MYLK: variants seen among roughly 807,000 people sequenced by gnomAD.
MYLK encodes the protein myosin light chain kinase, smooth muscle.
A neutral mutation model predicts 203.4 loss-of-function variants in MYLK; 106 were observed. That is an observed-to-expected ratio of 0.52 (90% CI 0.45 to 0.61). The LOEUF (loss-of-function observed/expected upper bound fraction) is 0.61. Ranked by LOEUF, MYLK falls within the 20% of genes least tolerant of loss-of-function variation. The pLI is 0.00. For synonymous variants in MYLK, 867 were observed against 959.5 expected (o/e 0.90, Z 1.78); for missense variants, 2,072 against 2,442.3 (o/e 0.85, Z 3.20).
intron 4 of MYLK, among the ~76,000 whole-genome samples, chr3:123,761,563 A>G (rs965933318): frequency 1.1e-4 from 17 of 152,166 alleles, no homozygotes; most frequent in African/African-American, 4.1e-4. Context: ...CAGCAGCCTC[A>G]TGAAAATGTC....
chr3:123,833,431 C>T (rs1464864100), intron 2 of MYLK, among the ~76,000 whole-genome samples: 3 of 152,128 alleles, frequency 2.0e-5, no homozygotes, highest in Admixed American at 6.5e-5. Flanking sequence ...AGTGAGCACA[C>T]CTGGCCCTTC....
chr3:123,640,164 T>A lies in MYLK; in HGVS notation c.4837+123A>T. 1 of 897,888 alleles carries A rather than the reference T, an allele frequency of 1.1e-6. No homozygotes were observed. 55.6% of individuals were successfully genotyped at this position (897,888 alleles called of 1,614,324 possible). ...ATGTGGTAGGGGCAGGATTCAAACC[T>A]GGGAAGTCTTCATGGTCTCGGATTT... On this transcript the variant is annotated intron_variant, in intron 28 of 33. Coordinates refer to ENST00000360304, the MANE Select transcript of MYLK (RefSeq NM_053025.4). This position sits in a 1 kb window ranked among gnomAD's most constrained non-coding sequence, Gnocchi z 4.3.
chr3:123,650,373 G>C (rs1398793685), intron 24 of MYLK, among the ~76,000 whole-genome samples: 2 of 152,120 alleles, frequency 1.3e-5, no homozygotes, highest in African/African-American at 4.8e-5. Flanking sequence ...AGACAGGAGA[G>C]AAAGCATAGA....
rs1560135856 is a variant in MYLK at position 123,725,943 on chromosome 3, C to G, written c.1651+1G>C. 3.1e-6 allele frequency: 5 copies of G among 1,613,690 alleles called. No individual in the cohort carries two copies. In the East Asian group the frequency reaches 8.9e-5, roughly 29 times the overall value. ...AGAGAGCTGGGGCAGGGGGAACTCA[C>G]CATTCAGCAGCCAAGTGATCCGGGG... On this transcript the variant is annotated splice_donor_variant, in intron 12 of 33. Coordinates refer to ENST00000360304, the MANE Select transcript of MYLK (RefSeq NM_053025.4). LOFTEE classifies it high-confidence loss of function.
intron 14 of MYLK, 143 bp from the exon 15 acceptor site, chr3:123,709,038 T>G (rs1483475518): frequency 1.5e-6 from 1 of 683,226 alleles, no homozygotes; most frequent in East Asian, 2.8e-5. Flanking sequence ...AAATAGGAAT[T>G]CAAACAGGAT....
At chr3:123,879,946 G>A (rs2033421864) in intron 1 of MYLK, among the ~76,000 whole-genome samples, 1 of 152,206 alleles carries the variant, frequency 6.6e-6, no homozygotes, top group Admixed American at 6.5e-5. Context: ...GAGCCACCGT[G>A]CCTGGCCCAC....
intron 18 of MYLK, among the ~76,000 whole-genome samples, chr3:123,699,585 C>G (rs1484784153): frequency 1.3e-5 from 2 of 152,258 alleles, no homozygotes; most frequent in Non-Finnish European, 1.5e-5. Context: ...CTCTAAACAG[C>G]TCTTTACTCA....
intron 28 of MYLK, chr3:123,638,630 A>G (rs1047329206): frequency 8.5e-6 from 4 of 470,338 alleles, no homozygotes; most frequent in Admixed American, 6.4e-5. Flanking sequence ...TACTGAGAAC[A>G]TGAGTGAGGC....
intron 7 of MYLK, among the ~76,000 whole-genome samples, chr3:123,738,118 A>G (rs914280195): frequency 2.0e-5 from 3 of 148,442 alleles, no homozygotes; most frequent in African/African-American, 7.5e-5. Context: ...GAGGCTCCTG[A>G]CAATATTTTG....
chr3:123,837,895 A>G (rs1021883200), intron 2 of MYLK, among the ~76,000 whole-genome samples: 1 of 152,054 alleles, frequency 6.6e-6, no homozygotes, highest in African/African-American at 2.4e-5. Flanking sequence ...GAGTAGGGGG[A>G]AAAAAAGAAA....
intron 4 of MYLK, among the ~76,000 whole-genome samples, chr3:123,778,379 G>A (rs920269145): frequency 6.6e-6 from 1 of 152,024 alleles, no homozygotes; most frequent in Non-Finnish European, 1.5e-5. Flanking sequence ...CGAGCGTGGT[G>A]GCAGGCGCCT....
intron 4 of MYLK, among the ~76,000 whole-genome samples, chr3:123,770,836 T>C (rs2063858561): frequency 6.6e-6 from 1 of 152,184 alleles, no homozygotes; most frequent in African/African-American, 2.4e-5. Context: ...TCCATAATTC[T>C]CCAGAGGCAG....
chr3:123,630,132 G>A (rs1374692818), intron 29 of MYLK, among the ~76,000 whole-genome samples: 1 of 152,178 alleles, frequency 6.6e-6, no homozygotes, highest in East Asian at 1.9e-4. Context: ...AGTGAAGTGT[G>A]TGCCCAATGG....
In MYLK at chr3:123,629,843, T is replaced by A; in HGVS notation, c.4962-217A>T. The A allele has an allele frequency of 1.7e-6, 1 of 577,504 alleles. No individual in the cohort carries two copies. Among genetic ancestry groups the A allele is most frequent in the South Asian group, 2.0e-5 (1 of 50,088 alleles). 35.8% of individuals were successfully genotyped at this position (577,504 alleles called of 1,614,324 possible). A position where few individuals can be genotyped will look rare whatever the true frequency, so the allele number is the denominator to read the frequency against. On this transcript the variant is annotated intron_variant, in intron 29 of 33. Transcript: ENST00000360304. The surrounding 1 kb of genome is among the most constrained non-coding windows in gnomAD (Gnocchi z 4.4). ...TGGTCACCTGCCTCTTGACACCACC[T>A]ACCTGTGAGGCTGAGGTGCAGCAGG...
intron 2 of MYLK, among the ~76,000 whole-genome samples, chr3:123,842,113 T>C (rs1048762064): frequency 2.6e-5 from 4 of 152,086 alleles, no homozygotes; most frequent in African/African-American, 4.8e-5. Flanking sequence ...TCTATCTATA[T>C]CTGTAGCTAT....
At chr3:123,762,160 A>G (rs555371366) in intron 4 of MYLK, among the ~76,000 whole-genome samples, 2 of 152,274 alleles carry the variant, frequency 1.3e-5, no homozygotes, top group East Asian at 3.9e-4. Context: ...ATCACCTTCA[A>G]TGCTTTTAGT....
intron 1 of MYLK, among the ~76,000 whole-genome samples, chr3:123,882,618 A>G (rs576826953): frequency 8.8e-4 from 134 of 152,224 alleles, no homozygotes; most frequent in African/African-American, 3.1e-3. Flanking sequence ...TCAGTGAACA[A>G]TGAGACAGAC....
chr3:123,875,107 C>T (rs535665963), intron 2 of MYLK, among the ~76,000 whole-genome samples: 1 of 152,226 alleles, frequency 6.6e-6, no homozygotes, highest in East Asian at 1.9e-4. Flanking sequence ...CCAGAAACCC[C>T]AATCCTAGAT....
At chr3:123,674,297 A>T (rs1296003414) in intron 20 of MYLK, among the ~76,000 whole-genome samples, 2 of 152,080 alleles carry the variant, frequency 1.3e-5, no homozygotes, top group East Asian at 1.9e-4. Context: ...TCAGCATTGT[A>T]GTCCCAACTG....
Sources: gnomAD v4.1 joint callset for allele counts (sites outside exome capture counted in the v4.1 genomes callset) on GRCh38, gnomAD v4.1.1 for gene constraint, Gnocchi (gnomAD v3.1) non-coding constraint, MANE v1.5 for transcripts, NCBI Gene and HGNC (gene_info 2026-07-23, HGNC 2026-07-21) for gene names.